The following PRELID2 variants were observed in gnomAD, a reference collection of about 807,000 sequenced individuals.
The protein encoded by PRELID2 is PRELI domain containing 2.
PRELID2 carries 25 observed loss-of-function variants against 28.4 expected under a neutral mutation model. The ratio of observed to expected loss-of-function variants is 0.88; its 90% confidence interval spans 0.64 to 1.23. The LOEUF (loss-of-function observed/expected upper bound fraction) is 1.23. PRELID2 is among the 50% of genes most tolerant of loss of function. The pLI is 0.00. For missense variants in PRELID2, 201 were observed against 214.4 expected (o/e 0.94, Z 0.39); for synonymous variants, 76 against 71.6 (o/e 1.06, Z -0.31).
the PRELID2 span, among the ~76,000 whole-genome samples, chr5:145,413,611 TACA>T: frequency 7.1e-6 from 1 of 140,062 alleles, no homozygotes; most frequent in African/African-American, 2.6e-5. Context: ...ATGAAGAAAA[TACA>T]CACACACACA....
intron 1 of PRELID2, among the ~76,000 whole-genome samples, chr5:145,522,415 A>G (rs1178639484): frequency 6.6e-6 from 1 of 151,912 alleles, no homozygotes; most frequent in Non-Finnish European, 1.5e-5. Context: ...ACACACACAC[A>G]CGAGAGAGAG....
At chr5:145,397,586 C>T in the PRELID2 span, among the ~76,000 whole-genome samples, 1 of 152,192 alleles carries the variant, frequency 6.6e-6, no homozygotes, top group African/African-American at 2.4e-5. Context: ...AACTCCTCTG[C>T]AAAATGCATC....
chr5:145,786,572 T>C (rs891284049), intron 5 of PRELID2, among the ~76,000 whole-genome samples: 1 of 152,198 alleles, frequency 6.6e-6, no homozygotes, highest in Non-Finnish European at 1.5e-5. Context: ...GCTAAAACCT[T>C]GATTACATCC....
chr5:145,504,431 A>G (rs1399628618), intron 1 of PRELID2, among the ~76,000 whole-genome samples: 2 of 152,202 alleles, frequency 1.3e-5, no homozygotes, highest in African/African-American at 4.8e-5. Context: ...GATCTTCGCC[A>G]AAAGGCTGAG....
the PRELID2 span, among the ~76,000 whole-genome samples, chr5:145,420,329 G>A: frequency 3.9e-5 from 6 of 151,978 alleles, no homozygotes; most frequent in South Asian, 8.3e-4. Context: ...GGGCAGTATG[G>A]CCATTTTCAC....
intron 1 of PRELID2, among the ~76,000 whole-genome samples, chr5:145,747,213 A>G (rs1757013502): frequency 6.6e-6 from 1 of 151,894 alleles, no homozygotes; most frequent in South Asian, 2.1e-4. Context: ...AGAGACATCA[A>G]AAACCCTCTA....
the PRELID2 span, among the ~76,000 whole-genome samples, chr5:145,435,535 G>A: frequency 6.6e-6 from 1 of 152,176 alleles, no homozygotes. Flanking sequence ...AGCATTGTGT[G>A]AAATCAATTG....
chr5:145,641,769 G>T (rs1270324544), intron 1 of PRELID2, among the ~76,000 whole-genome samples: 1 of 152,166 alleles, frequency 6.6e-6, no homozygotes, highest in East Asian at 1.9e-4. Context: ...TGTGGTGTTT[G>T]GTTTTCTGTT....
chr5:145,305,821 C>A, the PRELID2 span, among the ~76,000 whole-genome samples: 1 of 152,186 alleles, frequency 6.6e-6, no homozygotes, highest in African/African-American at 2.4e-5. Flanking sequence ...ACTCTCATGA[C>A]AAATACTACA....
intron 1 of PRELID2, among the ~76,000 whole-genome samples, chr5:145,680,014 T>C (rs1358911771): frequency 6.6e-6 from 1 of 152,016 alleles, no homozygotes; most frequent in Admixed American, 6.6e-5. Flanking sequence ...AAGGTAGATA[T>C]ATTTATGTTT....
At chr5:145,451,708 G>T in the PRELID2 span, among the ~76,000 whole-genome samples, 1 of 152,168 alleles carries the variant, frequency 6.6e-6, no homozygotes, top group Non-Finnish European at 1.5e-5. Flanking sequence ...AATTTCAGGA[G>T]TAAGTTCAAA....
chr5:145,547,539 G>T (rs1041615347), intron 1 of PRELID2, among the ~76,000 whole-genome samples: 1 of 152,056 alleles, frequency 6.6e-6, no homozygotes, highest in African/African-American at 2.4e-5. Context: ...AAATAAAAAA[G>T]TATTTATTTC....
At chr5:145,707,271 C>T (rs1446217227) in intron 1 of PRELID2, among the ~76,000 whole-genome samples, 1 of 152,130 alleles carries the variant, frequency 6.6e-6, no homozygotes, top group Non-Finnish European at 1.5e-5. Flanking sequence ...GGATGTGACC[C>T]CAATGATCGT....
the PRELID2 span, among the ~76,000 whole-genome samples, chr5:145,401,292 A>G: frequency 6.6e-6 from 1 of 151,980 alleles, no homozygotes; most frequent in African/African-American, 2.4e-5. Flanking sequence ...TAAAGAGGGT[A>G]GATCTCATGT....
intron 1 of PRELID2, among the ~76,000 whole-genome samples, chr5:145,666,148 A>T (rs1581038970): frequency 6.6e-6 from 1 of 151,974 alleles, no homozygotes; most frequent in Non-Finnish European, 1.5e-5. Context: ...CTTTATGTTG[A>T]CTTAATTCTA....
intron 1 of PRELID2, among the ~76,000 whole-genome samples, chr5:145,681,870 A>C (rs1348817069): frequency 1.3e-5 from 2 of 152,222 alleles, no homozygotes; most frequent in Non-Finnish European, 2.9e-5. Context: ...CCCAGCTTTG[A>C]AATGTGCAAA....
chr5:145,408,033 AC>A, the PRELID2 span, among the ~76,000 whole-genome samples: 1 of 152,046 alleles, frequency 6.6e-6, no homozygotes, highest in Non-Finnish European at 1.5e-5. Flanking sequence ...GGGTGGCTAG[AC>A]CCAGAAGGGC....
the PRELID2 span, among the ~76,000 whole-genome samples, chr5:145,384,290 T>C: frequency 6.6e-6 from 1 of 152,028 alleles, no homozygotes; most frequent in Non-Finnish European, 1.5e-5. Context: ...CATAAATCCA[T>C]AAAAATCGTT....
At chr5:145,425,465 C>G in the PRELID2 span, among the ~76,000 whole-genome samples, 167 of 152,278 alleles carry the variant, frequency 1.1e-3, 1 homozygote, top group African/African-American at 3.8e-3. Context: ...AATACATTAA[C>G]TGCAGCCCTA....
Sources: gnomAD v4.1 joint callset for allele counts (sites outside exome capture counted in the v4.1 genomes callset) on GRCh38, gnomAD v4.1.1 for gene constraint, MANE v1.5 for transcripts, NCBI Gene and HGNC (gene_info 2026-07-23, HGNC 2026-07-21) for gene names.